Variants in USP34 observed in about 807,000 individuals in gnomAD.
USP34 encodes the protein ubiquitin specific peptidase 34.
USP34 carries 70 observed loss-of-function variants against 460.3 expected under a neutral mutation model. The ratio of observed to expected loss-of-function variants is 0.15; its 90% CI spans 0.13 to 0.19. The LOEUF is 0.19. USP34 is among the 10% of genes least tolerant of loss of function. The pLI is 1.00. For missense variants in USP34, 3,985 were observed against 4,236.2 expected (o/e 0.94, Z 1.65); for synonymous variants, 1,647 against 1,405.3 (o/e 1.17, Z -3.85).
In USP34 at chr2:61,232,914, G is replaced by T. The variant is rs541457633; in HGVS notation, c.7033-382C>A. Among the ~76,000 whole-genome samples the T allele has an allele frequency of 3.3e-5, 4 of 123,058 alleles. 1 individual carries two copies. The South Asian group carries it at 9.9e-4, about 31-fold the overall frequency. The allele number at this position is 123,058 out of a possible 152,430, so 80.7% of individuals were successfully genotyped here. On this transcript the variant is annotated intron_variant, in intron 57 of 79. Coordinates refer to ENST00000398571, the MANE Select transcript of USP34 (RefSeq NM_014709.4). ...GAGACAGATCTTGCTCCGTTGCCCAGGCTGGAGTGCAGTGGCACGATCTCG... is the reference window on the plus strand; with the variant it reads ...GAGACAGATCTTGCTCCGTTGCCCATGCTGGAGTGCAGTGGCACGATCTCG...
rs1688388067 is a variant in USP34 at position 61,245,199 on chromosome 2, AT to A, written c.6627+10del. The A allele has an allele frequency of 1.2e-6, 2 of 1,606,702 alleles. No individual in the cohort carries two copies. Among genetic ancestry groups the A allele is most frequent in the Non-Finnish European group, 1.7e-6 (2 of 1,174,600 alleles). ...GACACAAACCATTTATAATTTCTGA[AT>A]AAAACTTACCGTCATCTCTCCACCA... is the stretch of plus-strand genomic sequence containing the variant. On this transcript the variant is annotated intron_variant, in intron 51 of 79. Transcript: ENST00000398571.
intron 56 of USP34, 25 bp from the exon 57 acceptor site, chr2:61,235,935 C>A (rs1397448755): frequency 2.5e-6 from 4 of 1,606,202 alleles, no homozygotes; most frequent in Non-Finnish European, 3.4e-6. Context: ...TCAGTCAAAG[C>A]ATATGAACTT....
intron 30 of USP34, among the ~76,000 whole-genome samples, chr2:61,295,988 G>A (rs1420891155): frequency 6.6e-6 from 1 of 152,230 alleles, no homozygotes; most frequent in African/African-American, 2.4e-5. Context: ...GCCAGGAGCA[G>A]TGGCTCATGC....
chr2:61,224,778 TCA>T (rs1687681945), intron 62 of USP34, among the ~76,000 whole-genome samples: 1 of 152,224 alleles, frequency 6.6e-6, no homozygotes, highest in Non-Finnish European at 1.5e-5. Context: ...TTGATGTGAT[TCA>T]CAGTCCACTG....
chr2:61,390,561 A>C (rs977531288), intron 5 of USP34, among the ~76,000 whole-genome samples: 1 of 152,250 alleles, frequency 6.6e-6, no homozygotes, highest in Non-Finnish European at 1.5e-5. Flanking sequence ...AGGTGGAATA[A>C]TATTTGTGCA....
intron 20 of USP34, among the ~76,000 whole-genome samples, chr2:61,330,323 C>T (rs1402579025): frequency 6.6e-6 from 1 of 152,118 alleles, no homozygotes; most frequent in African/African-American, 2.4e-5. Flanking sequence ...TCATCGTCAT[C>T]ATTATTCATG....
At chr2:61,288,607 C>CATTAAGAATAATTTCTTAAGAAA (rs1689760217) in intron 34 of USP34, 70 bp downstream of exon 34, 1 of 1,484,150 alleles carries the variant, frequency 6.7e-7, no homozygotes, top group Admixed American at 1.7e-5. Flanking sequence ...ATTTCTTAAG[C>CATTAAGAATAATTTCTTAAGAAA]ATTAGCATAT....
chr2:61,354,744 A>G (rs752891386), intron 10 of USP34, among the ~76,000 whole-genome samples: 2 of 152,218 alleles, frequency 1.3e-5, no homozygotes, highest in Non-Finnish European at 2.9e-5. Context: ...GTTGGGCAAC[A>G]TGTGGAGGAA....
intron 10 of USP34, among the ~76,000 whole-genome samples, chr2:61,368,098 G>A (rs991606835): frequency 6.6e-6 from 1 of 152,166 alleles, no homozygotes; most frequent in Non-Finnish European, 1.5e-5. Flanking sequence ...ACTGAACTCT[G>A]CTGTTGTGCT....
chr2:61,328,957 C>T (rs900493526), intron 20 of USP34, among the ~76,000 whole-genome samples: 2 of 152,134 alleles, frequency 1.3e-5, no homozygotes, highest in Non-Finnish European at 2.9e-5. Flanking sequence ...ATTAACTCCC[C>T]ATCTCCTAAT....
At chr2:61,285,331 T>C (rs1689654814) in intron 34 of USP34, among the ~76,000 whole-genome samples, 1 of 151,588 alleles carries the variant, frequency 6.6e-6, no homozygotes, top group Non-Finnish European at 1.5e-5. Context: ...CCACTAAAAA[T>C]ACAAAAATTA....
chr2:61,319,827 G>C (rs1401258559), intron 21 of USP34, among the ~76,000 whole-genome samples: 1 of 152,090 alleles, frequency 6.6e-6, no homozygotes, highest in Non-Finnish European at 1.5e-5. Flanking sequence ...CAGGGCAACA[G>C]CGCGAGATTC....
chr2:61,198,913 T>C (rs1558461808), intron 75 of USP34, among the ~76,000 whole-genome samples: 2 of 152,156 alleles, frequency 1.3e-5, no homozygotes, highest in Non-Finnish European at 2.9e-5. Flanking sequence ...TCTCATGTGG[T>C]TACCAAACAC....
chr2:61,463,881 T>C (rs998572515), intron 1 of USP34, among the ~76,000 whole-genome samples: 1 of 151,170 alleles, frequency 6.6e-6, no homozygotes, highest in Admixed American at 6.6e-5. Flanking sequence ...AGTCCTGTGG[T>C]TCCACCAAAC....
intron 12 of USP34, 75 bp downstream of exon 12, chr2:61,350,185 G>A (rs889392277): frequency 2.8e-6 from 4 of 1,437,212 alleles, no homozygotes; most frequent in African/African-American, 1.4e-5. Context: ...TGAACTGAAT[G>A]TATTAGCAGA....
intron 3 of USP34, among the ~76,000 whole-genome samples, chr2:61,396,794 C>T (rs553460499): frequency 3.5e-4 from 53 of 152,118 alleles, no homozygotes; most frequent in South Asian, 8.3e-4. Context: ...AGTCCTAACT[C>T]TTAAAAATAA....
intron 10 of USP34, among the ~76,000 whole-genome samples, chr2:61,359,124 C>A (rs114372550): frequency 3.2e-4 from 49 of 151,996 alleles, no homozygotes; most frequent in Non-Finnish European, 5.7e-4. Flanking sequence ...TTGCAAGGGA[C>A]TGTAAATAGC....
At chr2:61,274,040 T>C (rs1252716096) in intron 41 of USP34, among the ~76,000 whole-genome samples, 1 of 151,690 alleles carries the variant, frequency 6.6e-6, no homozygotes, top group Non-Finnish European at 1.5e-5. Context: ...TAACACAGTA[T>C]CTAGTAGCTG....
intron 2 of USP34, among the ~76,000 whole-genome samples, chr2:61,411,481 C>A (rs1017137155): frequency 2.6e-5 from 4 of 152,100 alleles, no homozygotes. Flanking sequence ...GTAACCCAAC[C>A]ACCAGACTAA....
Sources: allele counts gnomAD v4.1 joint callset (sites outside exome capture counted in the v4.1 genomes callset), GRCh38; gene constraint gnomAD v4.1.1; transcripts MANE v1.5; gene names NCBI Gene and HGNC (gene_info 2026-07-23, HGNC 2026-07-21).